The following PLIN2 variants were observed in gnomAD, a reference collection of about 807,000 sequenced individuals.
The protein encoded by PLIN2 is perilipin-2.
PLIN2 carries 33 observed loss-of-function variants against 30.6 expected under a neutral mutation model. The observed-to-expected ratio is 1.08, with a 90% confidence interval of 0.82 to 1.44. The LOEUF is 1.44. Ranked by LOEUF, PLIN2 falls within the 40% of genes most tolerant of loss-of-function variation. PLIN2 has a pLI of 0.00. For missense variants in PLIN2, 610 were observed against 531.8 expected (o/e 1.15, Z -1.45); for synonymous variants, 205 against 201.1 (o/e 1.02, Z -0.16).
chr9:19,111,261 C>G (rs1320494538), downstream of PLIN2, among the ~76,000 whole-genome samples: 1 of 152,052 alleles, frequency 6.6e-6, no homozygotes, highest in Non-Finnish European at 1.5e-5. Context: ...GTTGGCCAGG[C>G]TGCCGTTGAA....
chr9:19,123,440 A>G (rs2131183701), intron 4 of PLIN2, 125 bp downstream of exon 4: 4 of 1,558,880 alleles, frequency 2.6e-6, no homozygotes, highest in Middle Eastern at 1.7e-4. Context: ...TTTTTCAAAC[A>G]TACATCCAGA....
chr9:19,126,065 T>G, intron 3 of PLIN2, 49 bp downstream of exon 3: 2 of 1,506,086 alleles, frequency 1.3e-6, no homozygotes, highest in Non-Finnish European at 1.8e-6. Flanking sequence ...GCTCAGGGGC[T>G]CGCCACTGAC....
chr9:19,113,918 G>A (rs1461278701), downstream of PLIN2, among the ~76,000 whole-genome samples: 2 of 151,940 alleles, frequency 1.3e-5, no homozygotes, highest in Non-Finnish European at 2.9e-5. Flanking sequence ...GGGATTACAG[G>A]TGCACGCCCC....
downstream of PLIN2, among the ~76,000 whole-genome samples, chr9:19,112,383 C>T (rs28619004): frequency 0.17 from 26,251 of 152,036 alleles, 3,998 homozygotes; most frequent in African/African-American, 0.41. Context: ...CCAAAATTTT[C>T]TGCCAGTTTA....
In PLIN2 at chr9:19,126,311, T is replaced by G. The variant is rs1176034909; in HGVS notation, c.31-2A>C. The G allele has an allele frequency of 6.2e-7, 1 of 1,613,602 alleles. No homozygotes were observed. Among genetic ancestry groups the G allele is most frequent in the Admixed American group, 1.7e-5 (1 of 59,996 alleles). On this transcript the variant is annotated splice_acceptor_variant, in intron 2 of 7. Transcript: ENST00000276914. LOFTEE classifies it high-confidence loss of function. Reference sequence around the variant, plus strand: ...GTTGACCACCCGAGTCACCACACTCTGCAATCAAAGTAGGGAGGGTATGCT... The same window carrying G: ...GTTGACCACCCGAGTCACCACACTCGGCAATCAAAGTAGGGAGGGTATGCT...
At position 19,123,746 on chromosome 9, in the gene PLIN2, C is replaced by T. The variant is rs1818355202; in HGVS notation, c.227-99G>A. The T allele has an allele frequency of 1.1e-5, 11 of 1,003,382 alleles. 1 individual carries two copies. Among genetic ancestry groups the T allele is most frequent in the Admixed American group, 7.4e-5 (3 of 40,336 alleles). The allele number at this position is 1,003,382 out of a possible 1,614,324, so 62.2% of individuals were successfully genotyped here. ...TAAAAAATGGCAATAATGGGCTGGGCACGGTGGCTCACGCCTGTAATCCCA... is the reference window on the plus strand; with the variant it reads ...TAAAAAATGGCAATAATGGGCTGGGTACGGTGGCTCACGCCTGTAATCCCA... On this transcript the variant is annotated intron_variant, in intron 3 of 7. Transcript: ENST00000276914.
downstream of PLIN2, among the ~76,000 whole-genome samples, chr9:19,111,803 T>G (rs1818162727): frequency 6.6e-6 from 1 of 152,140 alleles, no homozygotes; most frequent in Non-Finnish European, 1.5e-5. Flanking sequence ...CATTAGTTGT[T>G]TTTTTTCCGC....
chr9:19,118,408 C>T lies in PLIN2; in HGVS notation c.825G>A (p.Gln275=). ...KNVYSANQKI[Q]DAQDKLYLSW... is the part of the protein sequence containing the mutation. ...AGAGGTAGAGCTTATCCTGAGCATC[C>T]TGAATTTTCTGATTGGCACTATACA... Residue 275 remains glutamine (Q), a synonymous_variant, in exon 7 of 8, where the codon CAG becomes CAA. Coordinates refer to ENST00000276914, the MANE Select transcript of PLIN2 (RefSeq NM_001122.4). 2 of 1,613,704 alleles carry T rather than the reference C, an allele frequency of 1.2e-6. No homozygotes were observed. The highest frequency in any genetic ancestry group is 1.1e-5 in the South Asian group (1 of 91,066).
chr9:19,123,748 C>T (rs547154922), intron 3 of PLIN2, 101 bp from the exon 4 acceptor site: 91 of 917,812 alleles, frequency 9.9e-5, no homozygotes, highest in Non-Finnish European at 1.3e-4. Context: ...GGGCTGGGCA[C>T]GGTGGCTCAC....
chr9:19,114,908 C>T (rs1237767944), downstream of PLIN2, among the ~76,000 whole-genome samples: 1 of 152,164 alleles, frequency 6.6e-6, no homozygotes, highest in South Asian at 2.1e-4. Context: ...GTCTTCTATA[C>T]GTATGTCCCC....
At chr9:19,116,845 CTTCAG>C (rs1361432342) in intron 7 of PLIN2, among the ~76,000 whole-genome samples, 196 bp from the exon 8 acceptor site, 3 of 152,158 alleles carry the variant, frequency 2.0e-5, no homozygotes, top group African/African-American at 7.2e-5. Flanking sequence ...AAGTAGATGG[CTTCAG>C]TTAACAACTG....
At chr9:19,125,236 A>G (rs544416060) in intron 3 of PLIN2, among the ~76,000 whole-genome samples, 4 of 152,288 alleles carry the variant, frequency 2.6e-5, no homozygotes, top group African/African-American at 9.6e-5. Flanking sequence ...ACATTATACA[A>G]CCATCACCAC....
chr9:19,118,038 T>C (rs1401006314), intron 7 of PLIN2, among the ~76,000 whole-genome samples: 2 of 152,226 alleles, frequency 1.3e-5, no homozygotes, highest in Non-Finnish European at 2.9e-5. Flanking sequence ...ACAGCATGGC[T>C]GGCTGTATCC....
intron 1 of PLIN2, among the ~76,000 whole-genome samples, chr9:19,126,811 G>T (rs1301520147): frequency 6.6e-6 from 1 of 152,196 alleles, no homozygotes; most frequent in African/African-American, 2.4e-5. Context: ...GGAGGCCGAG[G>T]GGGGTGGACT....
intron 4 of PLIN2, among the ~76,000 whole-genome samples, chr9:19,122,399 G>C (rs1818332783): frequency 6.6e-6 from 1 of 151,528 alleles, no homozygotes; most frequent in Non-Finnish European, 1.5e-5. Context: ...TTCTAGTTTA[G>C]ATACACGAAT....
In PLIN2 at chr9:19,126,291, C is replaced by T. The variant is rs1459555215; in HGVS notation, c.49G>A (p.Val17Ile). 5 of 1,613,840 alleles carry T rather than the reference C, an allele frequency of 3.1e-6. No individual in the cohort carries two copies. Among genetic ancestry groups the T allele is most frequent in the Non-Finnish European group, 4.2e-6 (5 of 1,179,888 alleles). ...GTGGAGCTCACCAAGGGCAGGTTGACCACCCGAGTCACCACACTCTGCAAT... is the reference window on the plus strand; with the variant it reads ...GTGGAGCTCACCAAGGGCAGGTTGATCACCCGAGTCACCACACTCTGCAAT... ...DPQPSVVTRV[V>I]NLPLVSSTYD... The change falls in exon 3 of 8, where the codon GTC becomes ATC. Residue 17 changes from valine to isoleucine, a missense_variant. Physicochemically the swap from Val to Ile is conservative, Grantham distance 29. Transcript: ENST00000276914.
Position 19,127,231 on chromosome 9 carries a change from C to T in PLIN2, c.-23+188G>A, listed in dbSNP as rs1818416199. 6.6e-6 allele frequency among the ~76,000 whole-genome samples: 1 copy of T among 152,200 alleles called. No homozygotes were observed. Among genetic ancestry groups the T allele is most frequent in the African/African-American group, 2.4e-5 (1 of 41,464 alleles). ...GCGGGTTCAGCAGACCGCCCCTACC[C>T]AGCCAGGACCTGGAAGCCGCGAGGC... On this transcript the variant is annotated intron_variant, in intron 1 of 7. Coordinates refer to ENST00000276914, the MANE Select transcript of PLIN2 (RefSeq NM_001122.4). The surrounding 1 kb of genome is among the most constrained non-coding windows in gnomAD (Gnocchi z 4.3).
chr9:19,123,784 G>C (rs1025494170), intron 3 of PLIN2, 137 bp from the exon 4 acceptor site: 8 of 649,884 alleles, frequency 1.2e-5, no homozygotes, highest in Non-Finnish European at 2.1e-5. Flanking sequence ...ACTTTGGGAG[G>C]CTGAGGCAGG....
chr9:19,121,489 CA>C (rs375474450), intron 4 of PLIN2, among the ~76,000 whole-genome samples: 5,069 of 45,180 alleles, frequency 0.11, 52 homozygotes, highest in Non-Finnish European at 0.15. Context: ...GACCCTGTCT[CA>C]AAAAAAAAAA....
Sources: allele counts gnomAD v4.1 joint callset (sites outside exome capture counted in the v4.1 genomes callset), GRCh38; gene constraint gnomAD v4.1.1; non-coding constraint Gnocchi (gnomAD v3.1); transcripts MANE v1.5; gene names NCBI Gene and HGNC (gene_info 2026-07-23, HGNC 2026-07-21).